The following SLC6A20 variants were observed in gnomAD, a reference collection of about 807,000 sequenced individuals.
SLC6A20 encodes sodium- and chloride-dependent transporter XTRP3.
In SLC6A20, 73 loss-of-function variants were observed where a neutral mutation model predicts 64.3. The observed-to-expected ratio is 1.14, with a 90% confidence interval of 0.94 to 1.38. The LOEUF is 1.38. Among genes scored for constraint, SLC6A20 ranks in the 40% most tolerant of loss-of-function variants. The pLI is 0.00. For synonymous variants in SLC6A20, 347 were observed against 329.6 expected (o/e 1.05, Z -0.57); for missense variants, 725 against 772.8 (o/e 0.94, Z 0.73).
chr3:45,763,220 G>T, intron 8 of SLC6A20, 148 bp from the exon 9 acceptor site: 1 of 1,244,906 alleles, frequency 8.0e-7, no homozygotes, highest in Non-Finnish European at 1.1e-6. Context: ...TCATGGTTTG[G>T]ACTCTCTGAA....
At chr3:45,789,041 G>A (rs1007708784) in intron 1 of SLC6A20, among the ~76,000 whole-genome samples, 2 of 152,148 alleles carry the variant, frequency 1.3e-5, no homozygotes, top group African/African-American at 4.8e-5. Flanking sequence ...ATCATAATGT[G>A]TCTGAAATCC....
chr3:45,776,687 TAGTG>T, intron 3 of SLC6A20, among the ~76,000 whole-genome samples: 1 of 152,260 alleles, frequency 6.6e-6, no homozygotes, highest in Admixed American at 6.5e-5. Context: ...CACCAGCACT[TAGTG>T]AGCACAGAAC....
rs574650038 is a variant in SLC6A20, at chr3:45,769,474, A to T, written c.1098+735T>A. The stretch of plus-strand genomic sequence containing the variant: ...AAGGTGACTTTCAGTAGCAAAAATT[A>T]AAAAAAAAACCCTCCAAATGTCTAT... On this transcript the variant is annotated intron_variant, in intron 7 of 10. Transcript: ENST00000358525. Among the ~76,000 whole-genome samples the T allele has an allele frequency of 8.2e-4, 108 of 131,444 alleles. 1 individual carries two copies. Among genetic ancestry groups the T allele is most frequent in the African/African-American group, 3.9e-3 (96 of 24,438 alleles). 86.2% of individuals were successfully genotyped at this position (131,444 alleles called of 152,430 possible).
chr3:45,760,066 C>A, intron 9 of SLC6A20, 44 bp from the exon 10 acceptor site: 2 of 1,577,338 alleles, frequency 1.3e-6, no homozygotes, highest in African/African-American at 1.4e-5. Flanking sequence ...AACCAGGCTG[C>A]GGAGGTCAGG....
chr3:45,777,090 A>G (rs77512274), intron 3 of SLC6A20, among the ~76,000 whole-genome samples: 2,106 of 152,294 alleles, frequency 0.014, 43 homozygotes, highest in African/African-American at 0.048. Context: ...AGTTTTGCAC[A>G]TATCTGGGTT....
Position 45,757,377 on chromosome 3 carries a change from G to C in SLC6A20, c.*1601C>G, listed in dbSNP as rs957520388. 6 of 152,364 alleles carry C rather than the reference G, an allele frequency of 3.9e-5. No homozygotes were observed. Among genetic ancestry groups the C allele is most frequent in the Admixed American group, 3.9e-4 (6 of 15,292 alleles). 9.4% of individuals were successfully genotyped at this position (152,364 alleles called of 1,614,324 possible). A position where few individuals can be genotyped will look rare whatever the true frequency, so the allele number is the denominator to read the frequency against. Reference sequence around the variant, plus strand: ...GCCATATCTCAGGCTGTCTCAGTGGGGGGGAAACCTTGGACAATACCCAGG... The same window carrying C: ...GCCATATCTCAGGCTGTCTCAGTGGCGGGGAAACCTTGGACAATACCCAGG... On this transcript the variant is annotated 3_prime_UTR_variant, in exon 11 of 11. Coordinates refer to ENST00000358525, the MANE Select transcript of SLC6A20 (RefSeq NM_020208.4).
rs1301474028 is a variant in SLC6A20 at position 45,756,806 on chromosome 3, G to A, written c.*2172C>T. 1 of 152,166 alleles carries A rather than the reference G, an allele frequency of 6.6e-6. No homozygotes were observed. Among genetic ancestry groups the A allele is most frequent in the Non-Finnish European group, 1.5e-5 (1 of 68,028 alleles). 9.4% of individuals were successfully genotyped at this position (152,166 alleles called of 1,614,324 possible). ...AAAATTTTTTTGAGAAAAGAAATAAGACACAGAGACAAAGTATAGAGAAAG... is the reference window on the plus strand; with the variant it reads ...AAAATTTTTTTGAGAAAAGAAATAAAACACAGAGACAAAGTATAGAGAAAG... On this transcript the variant is annotated 3_prime_UTR_variant, in exon 11 of 11. Transcript: ENST00000358525.
intron 7 of SLC6A20, among the ~76,000 whole-genome samples, chr3:45,766,453 C>A (rs1559563345): frequency 6.6e-6 from 1 of 152,158 alleles, no homozygotes; most frequent in Non-Finnish European, 1.5e-5. Flanking sequence ...AGAGAAGTCA[C>A]TATGAGTGAA....
intron 4 of SLC6A20, among the ~76,000 whole-genome samples, chr3:45,775,013 T>C (rs1699940228): frequency 6.6e-6 from 1 of 152,098 alleles, no homozygotes; most frequent in South Asian, 2.1e-4. Flanking sequence ...AGACAGGGTG[T>C]GCTAGGCTCC....
intron 4 of SLC6A20, among the ~76,000 whole-genome samples, chr3:45,773,463 G>A (rs554973593): frequency 5.3e-5 from 8 of 152,256 alleles, no homozygotes; most frequent in African/African-American, 1.7e-4. Flanking sequence ...TCATGCTCTG[G>A]GTGATTCTAA....
chr3:45,781,941 C>T (rs1575434741), intron 2 of SLC6A20, 142 bp downstream of exon 2: 2 of 1,179,806 alleles, frequency 1.7e-6, no homozygotes, highest in Non-Finnish European at 2.2e-6. Context: ...CCCCACCAGG[C>T]CATTTGTTCA....
chr3:45,763,152 T>G, intron 8 of SLC6A20, 80 bp from the exon 9 acceptor site: 1 of 1,565,806 alleles, frequency 6.4e-7, no homozygotes, highest in Non-Finnish European at 8.7e-7. Context: ...GACAGTGGGG[T>G]CGTCGGCCCT....
Position 45,757,633 on chromosome 3 carries a change from A to G in SLC6A20, c.*1345T>C, listed in dbSNP as rs531832972. On this transcript the variant is annotated 3_prime_UTR_variant, in exon 11 of 11. Transcript: ENST00000358525. ...AGGCTAACAACATCTCAAAGCAGAA[A>G]CAATTTTTCTTAGTACAGATCAAAA... 174 of 160,460 alleles carry G rather than the reference A, an allele frequency of 1.1e-3. No individual in the cohort carries two copies. Among genetic ancestry groups the G allele is most frequent in the Non-Finnish European group, 1.9e-3 (144 of 74,620 alleles). The allele number at this position is 160,460 out of a possible 1,614,324, so 9.9% of individuals were successfully genotyped here. A position where few individuals can be genotyped will look rare whatever the true frequency, so the allele number is the denominator to read the frequency against.
Position 45,775,902 on chromosome 3 carries a change from G to T in SLC6A20, c.441C>A (p.Tyr147Ter), listed in dbSNP as rs577175046. 2.5e-6 allele frequency: 4 copies of T among 1,614,124 alleles called. No individual in the cohort carries two copies. The highest frequency in any genetic ancestry group is 1.6e-4 in the Middle Eastern group (1 of 6,084). ...EECEKASSTQYFWYRKTLNIS... is the reference protein window; with the variant it reads ...EECEKASSTQ ...TATTGAGGGTTTTCCTGTACCAGAA[G>T]TACTGTGTGGAGGACGCCTTCTCAC... The change falls in exon 4 of 11, where the codon TAC becomes TAA. Residue 147 changes from tyrosine to a stop codon, truncating the protein, a stop_gained. Transcript: ENST00000358525. LOFTEE classifies it high-confidence loss of function.
intron 1 of SLC6A20, among the ~76,000 whole-genome samples, chr3:45,786,910 G>C (rs569909989): frequency 1.3e-5 from 2 of 152,330 alleles, no homozygotes; most frequent in South Asian, 2.1e-4. Flanking sequence ...TACAGTCACA[G>C]AATTATTGGA....
chr3:45,783,603 T>C (rs1316252177), intron 1 of SLC6A20, among the ~76,000 whole-genome samples: 1 of 152,222 alleles, frequency 6.6e-6, no homozygotes, highest in African/African-American at 2.4e-5. Context: ...AGCTGTGAAA[T>C]GAAGCCTGGT....
intron 7 of SLC6A20, among the ~76,000 whole-genome samples, chr3:45,766,090 G>A (rs1422536255): frequency 6.6e-6 from 1 of 152,198 alleles, no homozygotes; most frequent in Non-Finnish European, 1.5e-5. Flanking sequence ...AACCTCCGTG[G>A]CTGGGACCTG....
rs151248695 is a variant in SLC6A20 at position 45,758,832 on chromosome 3, T to C, written c.*146A>G. The C allele has an allele frequency of 0.013, 17,336 of 1,368,172 alleles. 126 individuals are homozygous for C. Among genetic ancestry groups the C allele is most frequent in the Non-Finnish European group, 0.015 (15,509 of 1,057,590 alleles). The allele number at this position is 1,368,172 out of a possible 1,614,324, so 84.8% of individuals were successfully genotyped here. On this transcript the variant is annotated 3_prime_UTR_variant, in exon 11 of 11. Coordinates refer to ENST00000358525, the MANE Select transcript of SLC6A20 (RefSeq NM_020208.4). ...TGTGCGTTCTCCCAAGGGAGTTTTC[T>C]TCCTGCACACCTTCCTCATCTTCTT...
intron 9 of SLC6A20, among the ~76,000 whole-genome samples, 197 bp from the exon 10 acceptor site, chr3:45,760,219 G>T (rs369796715): frequency 1.3e-5 from 2 of 152,338 alleles, no homozygotes; most frequent in African/African-American, 4.8e-5. Flanking sequence ...GGCTGAGGCT[G>T]CCCAGAAGGG....
Sources: gnomAD v4.1 joint callset for allele counts (sites outside exome capture counted in the v4.1 genomes callset) on GRCh38, gnomAD v4.1.1 for gene constraint, MANE v1.5 for transcripts, NCBI Gene and HGNC (gene_info 2026-07-23, HGNC 2026-07-21) for gene names.